Variants in IL1RAPL1 observed in about 807,000 individuals in gnomAD.
The protein encoded by IL1RAPL1 is interleukin-1 receptor accessory protein-like 1.
In IL1RAPL1, 3 loss-of-function variants were observed where a neutral mutation model predicts 48.4. The ratio of observed to expected loss-of-function variants is 0.06; its 90% CI spans 0.03 to 0.16. IL1RAPL1 has a LOEUF of 0.16. IL1RAPL1 is among the 10% of genes least tolerant of loss of function. The pLI is 1.00. For synonymous variants in IL1RAPL1, 185 were observed against 187.7 expected, an observed-to-expected ratio of 0.99 and a Z score of 0.12; for missense variants, 349 against 530.6, an observed-to-expected ratio of 0.66 and a Z score of 3.36.
intron 6 of IL1RAPL1, among the ~76,000 whole-genome samples, chrX:29,854,895 G>GCACACACA (rs202098400): frequency 4.2e-4 from 44 of 105,342 alleles, no homozygotes; most frequent in African/African-American, 1.3e-3. Context: ...TGACCAAATA[G>GCACACACA]CACACACACA....
intron 3 of IL1RAPL1, among the ~76,000 whole-genome samples, chrX:29,393,364 G>A (rs890013351): frequency 1.8e-5 from 2 of 111,703 alleles, no homozygotes; most frequent in South Asian, 3.7e-4. Flanking sequence ...CTCGTGATCC[G>A]CCCGCCTCGG....
chrX:29,358,613 A>G (rs1602192706), intron 3 of IL1RAPL1, among the ~76,000 whole-genome samples: 1 of 111,014 alleles, frequency 9.0e-6, no homozygotes, highest in East Asian at 2.8e-4. Context: ...GTTTTAATAT[A>G]TGTATACATT....
At chrX:28,721,517 G>A (rs1174211189) in intron 1 of IL1RAPL1, among the ~76,000 whole-genome samples, 2 of 111,263 alleles carry the variant, frequency 1.8e-5, no homozygotes, top group African/African-American at 3.3e-5. Context: ...TGAGTAGATT[G>A]CAAAAATTTT....
chrX:29,764,680 A>G (rs1928837208), intron 6 of IL1RAPL1, among the ~76,000 whole-genome samples: 1 of 112,110 alleles, frequency 8.9e-6, no homozygotes, highest in Admixed American at 9.5e-5. Flanking sequence ...TTCTTTGTCT[A>G]AGTCACATGT....
intron 8 of IL1RAPL1, among the ~76,000 whole-genome samples, chrX:29,937,782 G>T (rs1157184920): frequency 9.0e-6 from 1 of 111,648 alleles, no homozygotes; most frequent in African/African-American, 3.3e-5. Context: ...CTTCTGCAAT[G>T]TAATACTACA....
At chrX:29,519,367 A>G (rs763569654) in intron 5 of IL1RAPL1, among the ~76,000 whole-genome samples, 1 of 112,046 alleles carries the variant, frequency 8.9e-6, no homozygotes, top group African/African-American at 3.2e-5. Context: ...TTCAGAGGAT[A>G]TAGCAAACAT....
intron 3 of IL1RAPL1, among the ~76,000 whole-genome samples, chrX:29,389,877 C>T (rs1250381601): frequency 9.0e-6 from 1 of 111,501 alleles, no homozygotes; most frequent in African/African-American, 3.3e-5. Context: ...CTGATTTCAA[C>T]CAGGGTTAAA....
intron 5 of IL1RAPL1, among the ~76,000 whole-genome samples, chrX:29,403,574 C>T (rs955745966): frequency 1.8e-5 from 2 of 110,748 alleles, no homozygotes; most frequent in African/African-American, 6.6e-5. Flanking sequence ...TTCTAATCGA[C>T]AAAAAAAGAA....
At chrX:28,896,471 A>T (rs1297028352) in intron 2 of IL1RAPL1, among the ~76,000 whole-genome samples, 2 of 111,577 alleles carry the variant, frequency 1.8e-5, no homozygotes, top group Non-Finnish European at 3.8e-5. Context: ...GAGAGGTCGG[A>T]TAAAGAAAAA....
At chrX:28,763,238 C>T (rs1936197335) in intron 1 of IL1RAPL1, among the ~76,000 whole-genome samples, 1 of 111,398 alleles carries the variant, frequency 9.0e-6, no homozygotes, top group Non-Finnish European at 1.9e-5. Flanking sequence ...AGAGGATGGA[C>T]AGGTGCTGAG....
In IL1RAPL1 at chrX:28,779,630, GTGTGTATATATATATATATA is replaced by G. The variant is rs1394511161; in HGVS notation, c.-24-9688_-24-9669del. Among the ~76,000 whole-genome samples the G allele has an allele frequency of 4.0e-3, 246 of 61,128 alleles. 7 individuals carry two copies. The East Asian group carries it at 0.056, about 14-fold the overall frequency. The allele number at this position is 61,128 out of a possible 115,157, so 53.1% of individuals were successfully genotyped here. ...GAGTGATACTATTATGTGTGTGTGTGTGTGTATATATATATATATATATATATATATATATATATATATAT... is the reference window on the plus strand; with the variant it reads ...GAGTGATACTATTATGTGTGTGTGTGTATATATATATATATATATATATAT... On this transcript the variant is annotated intron_variant, in intron 1 of 10. Coordinates refer to ENST00000378993, the MANE Select transcript of IL1RAPL1 (RefSeq NM_014271.4).
chrX:29,115,476 A>G (rs1483999392), intron 2 of IL1RAPL1, among the ~76,000 whole-genome samples: 1 of 111,400 alleles, frequency 9.0e-6, no homozygotes, highest in African/African-American at 3.3e-5. Flanking sequence ...TTTATTCACC[A>G]GGAGGATTGA....
chrX:29,742,242 T>C (rs891531678), intron 6 of IL1RAPL1, among the ~76,000 whole-genome samples: 1 of 111,957 alleles, frequency 8.9e-6, no homozygotes, highest in Non-Finnish European at 1.9e-5. Context: ...CTCTGACCGT[T>C]CTATTTGATG....
intron 6 of IL1RAPL1, among the ~76,000 whole-genome samples, chrX:29,679,214 C>T (rs1246992387): frequency 9.0e-6 from 1 of 111,593 alleles, no homozygotes; most frequent in Admixed American, 9.5e-5. Flanking sequence ...CACGAATATT[C>T]AGTAAGAAGC....
intron 2 of IL1RAPL1, among the ~76,000 whole-genome samples, chrX:29,256,285 C>G (rs916071144): frequency 9.0e-6 from 1 of 110,826 alleles, no homozygotes; most frequent in Non-Finnish European, 1.9e-5. Context: ...TTTTCCCTTC[C>G]CTTTTTCACA....
intron 2 of IL1RAPL1, among the ~76,000 whole-genome samples, chrX:29,266,934 G>C (rs778962409): frequency 9.0e-6 from 1 of 111,661 alleles, no homozygotes; most frequent in African/African-American, 3.3e-5. Context: ...CAAGAGATAG[G>C]TTACTTGCCT....
chrX:29,280,395 G>C (rs984285360), intron 2 of IL1RAPL1, among the ~76,000 whole-genome samples: 4 of 111,288 alleles, frequency 3.6e-5, no homozygotes, highest in Non-Finnish European at 5.7e-5. Context: ...CCCAAATTTG[G>C]TAATTGAAAT....
chrX:28,772,781 A>G (rs1281009135), intron 1 of IL1RAPL1, among the ~76,000 whole-genome samples: 1 of 111,824 alleles, frequency 8.9e-6, no homozygotes, highest in African/African-American at 3.3e-5. Flanking sequence ...CATGGACAGT[A>G]CATACATGAA....
chrX:28,618,276 A>G (rs1372531892), intron 1 of IL1RAPL1, among the ~76,000 whole-genome samples: 1 of 112,277 alleles, frequency 8.9e-6, no homozygotes, highest in African/African-American at 3.2e-5. Context: ...ATAAAACGAT[A>G]TCTGATTTTT....
Sources: allele counts gnomAD v4.1 joint callset (sites outside exome capture counted in the v4.1 genomes callset), GRCh38; gene constraint gnomAD v4.1.1; transcripts MANE v1.5; gene names NCBI Gene and HGNC (gene_info 2026-07-23, HGNC 2026-07-21).